The following GALNT13 variants were observed in gnomAD, a reference collection of about 807,000 sequenced individuals.
GALNT13 encodes the protein polypeptide N-acetylgalactosaminyltransferase 13.
Under a neutral mutation model 64.2 loss-of-function variants are expected in GALNT13, and 28 were observed. The observed-to-expected ratio is 0.44, with a 90% CI of 0.32 to 0.60. The LOEUF is 0.60. Ranked by LOEUF, GALNT13 falls within the 20% of genes least tolerant of loss-of-function variation. GALNT13 has a pLI of 0.05. For missense variants in GALNT13, 577 were observed against 669.8 expected, an observed-to-expected ratio of 0.86 and a Z score of 1.53; for synonymous variants, 214 against 224.6, an observed-to-expected ratio of 0.95 and a Z score of 0.42.
At chr2:153,573,541 G>GAAT in the GALNT13 span, among the ~76,000 whole-genome samples, 2 of 151,848 alleles carry the variant, frequency 1.3e-5, no homozygotes, top group South Asian at 4.1e-4. Context: ...ATTCATTAAT[G>GAAT]GAGATAATTT....
At chr2:154,133,534 TTATATATATATATATATA>T (rs201083794) in intron 3 of GALNT13, among the ~76,000 whole-genome samples, 800 of 77,258 alleles carry the variant, frequency 0.01, 20 homozygotes, top group East Asian at 0.034. Context: ...ACAGACCATT[TTATATATATATATATATA>T]TATATATATA....
intron 8 of GALNT13, among the ~76,000 whole-genome samples, chr2:154,298,977 A>G (rs897731185): frequency 4.1e-5 from 6 of 145,238 alleles, no homozygotes; most frequent in African/African-American, 1.2e-4. Context: ...TGCTAAAATT[A>G]CATAATTCAT....
chr2:154,359,578 T>C (rs1696946178), intron 9 of GALNT13, among the ~76,000 whole-genome samples: 1 of 152,146 alleles, frequency 6.6e-6, no homozygotes, highest in Non-Finnish European at 1.5e-5. Context: ...ACCTTCCTGG[T>C]AAAATTTCTC....
chr2:153,412,979 A>T, the GALNT13 span, among the ~76,000 whole-genome samples: 1 of 152,206 alleles, frequency 6.6e-6, no homozygotes, highest in Non-Finnish European at 1.5e-5. Flanking sequence ...ACTAATTATA[A>T]AAATGTAGGT....
the GALNT13 span, among the ~76,000 whole-genome samples, chr2:153,630,096 C>T: frequency 1.3e-5 from 2 of 149,744 alleles, no homozygotes; most frequent in Non-Finnish European, 3.0e-5. Context: ...GTGGCGATTC[C>T]TCAGGGATCT....
the GALNT13 span, among the ~76,000 whole-genome samples, chr2:153,720,373 G>C: frequency 5.3e-5 from 8 of 150,768 alleles, no homozygotes; most frequent in East Asian, 1.4e-3. Context: ...AAACAGAGCA[G>C]AAAAACTGGA....
intron 2 of GALNT13, among the ~76,000 whole-genome samples, chr2:153,927,535 T>C (rs1398952762): frequency 3.3e-5 from 5 of 152,028 alleles, no homozygotes; most frequent in African/African-American, 7.2e-5. Flanking sequence ...TTGCTTTATA[T>C]TGATTGACAA....
the GALNT13 span, among the ~76,000 whole-genome samples, chr2:153,632,357 T>C: frequency 2.0e-5 from 3 of 152,210 alleles, no homozygotes; most frequent in Admixed American, 2.0e-4. Context: ...TAAACTAATA[T>C]TGATAAGCTA....
intron 8 of GALNT13, among the ~76,000 whole-genome samples, chr2:154,262,339 A>G (rs976647551): frequency 6.6e-6 from 1 of 152,194 alleles, no homozygotes; most frequent in African/African-American, 2.4e-5. Flanking sequence ...ATTAGGAGAA[A>G]GAAAGACGCT....
chr2:153,133,526 A>T, the GALNT13 span, among the ~76,000 whole-genome samples: 1 of 151,852 alleles, frequency 6.6e-6, no homozygotes, highest in Non-Finnish European at 1.5e-5. Context: ...TCACCCATTT[A>T]TGTGTCTCCA....
At chr2:154,142,742 G>A (rs2105586917) in intron 4 of GALNT13, among the ~76,000 whole-genome samples, 1 of 151,326 alleles carries the variant, frequency 6.6e-6, no homozygotes, top group East Asian at 1.9e-4. Flanking sequence ...TGGCCCCTGG[G>A]GAATAGTTCA....
chr2:153,917,712 A>G (rs1689475044), intron 2 of GALNT13, among the ~76,000 whole-genome samples: 1 of 152,180 alleles, frequency 6.6e-6, no homozygotes, highest in African/African-American at 2.4e-5. Context: ...GAGCTACCAC[A>G]CAGGCTGGTG....
chr2:153,525,788 C>G, the GALNT13 span, among the ~76,000 whole-genome samples: 1 of 152,116 alleles, frequency 6.6e-6, no homozygotes, highest in Admixed American at 6.5e-5. Flanking sequence ...GATGGCATTT[C>G]TGGACCTGCC....
chr2:154,208,285 G>GT (rs1017216439), intron 4 of GALNT13, among the ~76,000 whole-genome samples: 7 of 152,110 alleles, frequency 4.6e-5, no homozygotes, highest in Admixed American at 3.9e-4. Context: ...CCTAGTTCTT[G>GT]TTTTTTTGAG....
chr2:153,238,227 A>G, the GALNT13 span, among the ~76,000 whole-genome samples: 1 of 152,112 alleles, frequency 6.6e-6, no homozygotes, highest in Non-Finnish European at 1.5e-5. Flanking sequence ...TATTCTGACT[A>G]TTAATCCTTT....
the GALNT13 span, among the ~76,000 whole-genome samples, chr2:153,335,593 A>G: frequency 1.3e-5 from 2 of 152,206 alleles, no homozygotes; most frequent in Admixed American, 6.5e-5. Context: ...CTAAGCAGCA[A>G]AGCATTCAAG....
chr2:154,428,777 ATTTT>A (rs70983722), intron 11 of GALNT13, among the ~76,000 whole-genome samples: 5 of 139,662 alleles, frequency 3.6e-5, no homozygotes, highest in African/African-American at 1.3e-4. Flanking sequence ...ATGATCAGTG[ATTTT>A]TTTTTTTTTT....
At chr2:153,569,715 T>A in the GALNT13 span, among the ~76,000 whole-genome samples, 1 of 152,174 alleles carries the variant, frequency 6.6e-6, no homozygotes, top group Middle Eastern at 3.4e-3. Flanking sequence ...CCTTTAGTTA[T>A]TTTAAAATGA....
the GALNT13 span, among the ~76,000 whole-genome samples, chr2:153,745,021 G>A: frequency 6.6e-6 from 1 of 152,118 alleles, no homozygotes; most frequent in Admixed American, 6.6e-5. Context: ...ACAGACCATT[G>A]TTCAGAGAAA....
Sources: gnomAD v4.1 joint callset for allele counts (sites outside exome capture counted in the v4.1 genomes callset) on GRCh38, gnomAD v4.1.1 for gene constraint, MANE v1.5 for transcripts, NCBI Gene and HGNC (gene_info 2026-07-23, HGNC 2026-07-21) for gene names.